CENPE: variants seen among roughly 807,000 people sequenced by gnomAD.
CENPE encodes centromere-associated protein E.
Under a neutral mutation model 336.1 loss-of-function variants are expected in CENPE, and 145 were observed. That is an observed-to-expected ratio of 0.43 (90% CI 0.38 to 0.50). CENPE has a LOEUF of 0.50. Among genes scored for constraint, CENPE ranks in the 20% least tolerant of loss-of-function variants. The pLI, the probability that CENPE is intolerant of heterozygous loss-of-function variation, is 0.00. For missense variants in CENPE, 2,719 were observed against 3,023.3 expected (o/e 0.90, Z 2.36); for synonymous variants, 1,013 against 984.8 (o/e 1.03, Z -0.54).
In CENPE at chr4:103,143,258, A is replaced by G; in HGVS notation, c.5294T>C (p.Leu1765Ser). ...TTAAAAATAAAATACCTGTGCTTTT[A>G]AGGCATCATTTGAGTGTTCTAAGTC... is the stretch of plus-strand genomic sequence containing the variant. ...QKDLEHSNDA[L>S]KAQDLKIQEE... Residue 1765 changes from leucine to serine, a missense_variant, in exon 34 of 49, where the codon TTA becomes TCA. Leu to Ser is a moderately radical substitution (Grantham distance 145, BLOSUM62 -2). Transcript: ENST00000265148. The G allele has an allele frequency of 6.3e-7, 1 of 1,586,744 alleles. No individual in the cohort carries two copies. The highest frequency in any genetic ancestry group is 8.5e-7 in the Non-Finnish European group (1 of 1,169,638).
At chr4:103,139,676 T>G in intron 38 of CENPE, 113 bp downstream of exon 38, 1 of 992,586 alleles carries the variant, frequency 1.0e-6, no homozygotes, top group East Asian at 2.5e-5. Flanking sequence ...TTTCCCACTG[T>G]CCTTTACTGT....
chr4:103,122,414 T>C lies in CENPE; in HGVS notation c.7143+457A>G, dbSNP rs960589666. ...ATACAAGTTAACCTGCGTAACAATC[T>C]TGTTATATTTTTTAACCTCTTATAT... On this transcript the variant is annotated intron_variant, in intron 43 of 48. Transcript: ENST00000265148. 4.7e-4 allele frequency among the ~76,000 whole-genome samples: 72 copies of C among 152,220 alleles called. 1 individual carries two copies. Among genetic ancestry groups the C allele is most frequent in the African/African-American group, 1.6e-3 (66 of 41,460 alleles).
chr4:103,163,616 A>G, intron 16 of CENPE, 63 bp from the exon 17 acceptor site: 1 of 789,942 alleles, frequency 1.3e-6, no homozygotes, highest in East Asian at 3.0e-5. Flanking sequence ...AGCAAAAAAA[A>G]AAAAAAAAAG....
chr4:103,152,458 T>C (rs1357767807), intron 25 of CENPE, among the ~76,000 whole-genome samples: 1 of 152,204 alleles, frequency 6.6e-6, no homozygotes, highest in East Asian at 1.9e-4. Context: ...TGGAAATCAG[T>C]CTAGCAAATT....
At chr4:103,145,771 TATA>T (rs1753000843) in intron 30 of CENPE, 55 bp downstream of exon 30, 6 of 1,529,322 alleles carry the variant, frequency 3.9e-6, no homozygotes, top group African/African-American at 2.8e-5. Flanking sequence ...ATTTAGGGTT[TATA>T]ATAATATTTG....
chr4:103,174,185 AG>A (rs1755661472), intron 16 of CENPE, among the ~76,000 whole-genome samples: 1 of 151,830 alleles, frequency 6.6e-6, no homozygotes, highest in African/African-American at 2.4e-5. Flanking sequence ...AAAAAAAAAA[AG>A]AAATCCTACC....
At chr4:103,175,192 C>T (rs1349308810) in intron 15 of CENPE, among the ~76,000 whole-genome samples, 5 of 151,910 alleles carry the variant, frequency 3.3e-5, no homozygotes, top group Admixed American at 3.3e-4. Flanking sequence ...ATCTAACTAA[C>T]TCTTATTTTA....
chr4:103,143,547 T>C, intron 33 of CENPE, 141 bp from the exon 34 acceptor site: 1 of 626,374 alleles, frequency 1.6e-6, no homozygotes. Flanking sequence ...CTTTTAGATG[T>C]CAATACATTC....
Position 103,113,776 on chromosome 4 carries a change from A to C in CENPE, c.7540+679T>G, listed in dbSNP as rs185571949. Among the ~76,000 whole-genome samples, 327 of 150,206 alleles carry C rather than the reference A, an allele frequency of 2.2e-3. 1 individual carries two copies. Among genetic ancestry groups the C allele is most frequent in the African/African-American group, 7.8e-3 (319 of 41,108 alleles). Reference sequence around the variant, plus strand: ...CATACATATATGCTTATAAGTTAGAAGGTCAGGTGCTAACCCCACGATTTC... The same window carrying C: ...CATACATATATGCTTATAAGTTAGACGGTCAGGTGCTAACCCCACGATTTC... On this transcript the variant is annotated intron_variant, in intron 46 of 48. Coordinates refer to ENST00000265148, the MANE Select transcript of CENPE (RefSeq NM_001813.3).
In CENPE at chr4:103,145,057, A is replaced by G; in HGVS notation, c.4850T>C (p.Val1617Ala). 1 of 1,495,018 alleles carries G rather than the reference A, an allele frequency of 6.7e-7. No homozygotes were observed. The highest frequency in any genetic ancestry group is 8.9e-7 in the Non-Finnish European group (1 of 1,125,632). The allele number at this position is 1,495,018 out of a possible 1,614,324, so 92.6% of individuals were successfully genotyped here. A position where few individuals can be genotyped will look rare whatever the true frequency, so the allele number is the denominator to read the frequency against. Residue 1617 changes from valine (V) to alanine (A), a missense_variant, in exon 32 of 49, where the codon GTA (valine) becomes GCA (alanine). Val to Ala is a moderately conservative substitution (Grantham distance 64, BLOSUM62 0). Around this residue, in one of 5 missense-constraint regions of CENPE, gnomAD observed 2,437 missense variants for 2,513.3 expected, o/e 0.97. Coordinates refer to ENST00000265148, the MANE Select transcript of CENPE (RefSeq NM_001813.3). Reference protein sequence around the residue: ...DQLKENTKEIVAKMKESQEKE... With the variant: ...DQLKENTKEIAAKMKESQEKE... ...AATAAGATGGGAACTTACTTTAGCTACAATTTCTTTAGTGTTTTCTTTCAG... is the reference window on the plus strand; with the variant it reads ...AATAAGATGGGAACTTACTTTAGCTGCAATTTCTTTAGTGTTTTCTTTCAG...
intron 9 of CENPE, among the ~76,000 whole-genome samples, chr4:103,183,781 C>T (rs929968790): frequency 1.3e-5 from 2 of 150,952 alleles, no homozygotes; most frequent in Non-Finnish European, 2.9e-5. Flanking sequence ...TACCAGGAAA[C>T]CACTGTTATT....
chr4:103,138,148 C>A (rs906856812), intron 39 of CENPE, among the ~76,000 whole-genome samples: 8 of 152,290 alleles, frequency 5.3e-5, no homozygotes, highest in African/African-American at 1.9e-4. Context: ...CTGGTGAGGA[C>A]TTAAATTCAC....
In CENPE at chr4:103,158,785, AGAATC is replaced by A. The variant is rs1754175266; in HGVS notation, c.2698_2702del (p.Asp900TyrfsTer14). 6.2e-7 allele frequency: 1 copy of A among 1,613,134 alleles called. No homozygotes were observed. On this transcript the variant is annotated frameshift_variant, in exon 23 of 49. Coordinates refer to ENST00000265148, the MANE Select transcript of CENPE (RefSeq NM_001813.3). LOFTEE classifies it high-confidence loss of function. ...TCTCCCTTTCTACAGTTTGCAGCGT[AGAATC>A]TCTATTTTCTAATTGTTCCTTCAGC...
At position 103,145,553 on chromosome 4, in the gene CENPE, T is replaced by G; in HGVS notation, c.4542A>C (p.Leu1514Phe). ...TCTGTAATTTATCATTGATTGCTTCTAACTGCTTTTGAATGGTTGATATTT... is the reference window on the plus strand; with the variant it reads ...TCTGTAATTTATCATTGATTGCTTCGAACTGCTTTTGAATGGTTGATATTT... ...ETEISTIQKQLEAINDKLQNK... is the reference protein window; with the variant it reads ...ETEISTIQKQFEAINDKLQNK... The change falls in exon 31 of 49, where the codon TTA becomes TTC. Residue 1514 changes from leucine to phenylalanine, a missense_variant. Coordinates refer to ENST00000265148, the MANE Select transcript of CENPE (RefSeq NM_001813.3). The G allele has an allele frequency of 6.2e-7, 1 of 1,607,428 alleles. No individual in the cohort carries two copies. The highest frequency in any genetic ancestry group is 8.5e-7 in the Non-Finnish European group (1 of 1,177,828).
At position 103,141,112 on chromosome 4, in the gene CENPE, T is replaced by C; in HGVS notation, c.5464-8A>G. The C allele has an allele frequency of 6.8e-7, 1 of 1,472,250 alleles. No individual in the cohort carries two copies. Among genetic ancestry groups the C allele is most frequent in the Non-Finnish European group, 9.2e-7 (1 of 1,082,330 alleles). 91.2% of individuals were successfully genotyped at this position (1,472,250 alleles called of 1,614,324 possible). ...TGCCTTAAGTTCTTGAATCTTAAGA[T>C]AATCATAAAATAATATGTTAGGTGG... On this transcript the variant is annotated splice_region_variant and splice_polypyrimidine_tract_variant and intron_variant, in intron 35 of 48. Coordinates refer to ENST00000265148, the MANE Select transcript of CENPE (RefSeq NM_001813.3).
At chr4:103,192,635 T>G (rs907337697) in intron 8 of CENPE, among the ~76,000 whole-genome samples, 1 of 152,192 alleles carries the variant, frequency 6.6e-6, no homozygotes, top group South Asian at 2.1e-4. Flanking sequence ...CAGAAAAAGA[T>G]GAGTCAAAAT....
At chr4:103,121,549 C>CTT (rs11454081) in intron 43 of CENPE, among the ~76,000 whole-genome samples, 23 of 135,906 alleles carry the variant, frequency 1.7e-4, no homozygotes, top group African/African-American at 3.7e-4. Flanking sequence ...TTCTTTCTTT[C>CTT]TTTTTTTTTT....
intron 42 of CENPE, 111 bp downstream of exon 42, chr4:103,132,582 T>A (rs1397018739): frequency 4.1e-6 from 2 of 482,456 alleles, no homozygotes; most frequent in African/African-American, 2.0e-5. Context: ...TCAATTTTTT[T>A]AAAGCATATA....
rs560729457 is a variant in CENPE at position 103,176,953 on chromosome 4, T to C, written c.1336A>G (p.Ile446Val). 1.2e-6 allele frequency: 2 copies of C among 1,601,234 alleles called. No individual in the cohort carries two copies. The highest frequency in any genetic ancestry group is 1.7e-5 in the Admixed American group (1 of 58,208). ...GAAAGCTTATGTGTTTTTGTTGTTATATTTGTTGGTATATTAAATTGATCT... is the reference window on the plus strand; with the variant it reads ...GAAAGCTTATGTGTTTTTGTTGTTACATTTGTTGGTATATTAAATTGATCT... Reference protein sequence around the residue: ...YADQFNIPTNITTKTHKLSIN... With the variant: ...YADQFNIPTNVTTKTHKLSIN... The change falls in exon 14 of 49, where the codon ATA (isoleucine) becomes GTA (valine). Residue 446 changes from isoleucine (I) to valine (V), a missense_variant. Ile to Val is a conservative substitution (Grantham distance 29, BLOSUM62 3). Around this residue, in one of 5 missense-constraint regions of CENPE, gnomAD observed 2,437 missense variants for 2,513.3 expected, o/e 0.97. Coordinates refer to ENST00000265148, the MANE Select transcript of CENPE (RefSeq NM_001813.3).
Sources: gnomAD v4.1 joint callset for allele counts (sites outside exome capture counted in the v4.1 genomes callset) on GRCh38, gnomAD v4.1.1 for gene constraint, gnomAD v4.1.1 regional missense constraint, MANE v1.5 for transcripts, NCBI Gene and HGNC (gene_info 2026-07-23, HGNC 2026-07-21) for gene names.